The following ANKZF1 variants were observed in gnomAD, a reference collection of about 807,000 sequenced individuals.
The protein encoded by ANKZF1 is ankyrin repeat and zinc finger peptidyl tRNA hydrolase 1.
A neutral mutation model predicts 86.0 loss-of-function variants in ANKZF1; 84 were observed. The ratio of observed to expected loss-of-function variants is 0.98; its 90% CI spans 0.82 to 1.17. ANKZF1 has a LOEUF of 1.17. Among genes scored for constraint, ANKZF1 ranks in the 50% most tolerant of loss-of-function variants. The pLI is 0.00. For missense variants in ANKZF1, 893 were observed against 918.4 expected (o/e 0.97, Z 0.36); for synonymous variants, 331 against 354.2 (o/e 0.93, Z 0.74).
At position 219,233,761 on chromosome 2, in the gene ANKZF1, A is replaced by T. The variant is rs748770700; in HGVS notation, c.866A>T (p.Glu289Val). The T allele has an allele frequency of 1.2e-6, 2 of 1,614,066 alleles. No individual in the cohort carries two copies. Among genetic ancestry groups the T allele is most frequent in the African/African-American group, 1.3e-5 (1 of 75,052 alleles). ...GGGCCAAGCTGGGCTAAGGCGCTGGAGGAGGCTGGTACAATACTGTTGCGT... is the reference window on the plus strand; with the variant it reads ...GGGCCAAGCTGGGCTAAGGCGCTGGTGGAGGCTGGTACAATACTGTTGCGT... ...LAGPSWAKALEEAGTILLRAP... is the reference protein window; with the variant it reads ...LAGPSWAKALVEAGTILLRAP... The change falls in exon 8 of 14, where the codon GAG becomes GTG. Residue 289 changes from glutamate (E) to valine (V), a missense_variant. Coordinates refer to ENST00000323348, the MANE Select transcript of ANKZF1 (RefSeq NM_018089.3).
chr2:219,234,981 G>A lies in ANKZF1; in HGVS notation c.1360G>A (p.Ala454Thr). Residue 454 changes from alanine (A) to threonine (T), a missense_variant, in exon 10 of 14, where the codon GCA (alanine) becomes ACA (threonine). Physicochemically the swap from Ala to Thr is moderately conservative, Grantham distance 58. Transcript: ENST00000323348. ...GAAAAGCCGAGACCAGGAGGCTGGG[G>A]CACATCGGACTCTTCTCCAGCAAAC... ...KEKSRDQEAG[A>T]HRTLLQQTQE... 6.2e-7 allele frequency: 1 copy of A among 1,614,250 alleles called. No homozygotes were observed. Among genetic ancestry groups the A allele is most frequent in the Non-Finnish European group, 8.5e-7 (1 of 1,180,050 alleles).
Position 219,233,078 on chromosome 2 carries a change from G to A in ANKZF1, c.559-1G>A. On this transcript the variant is annotated splice_acceptor_variant, in intron 5 of 13. Coordinates refer to ENST00000323348, the MANE Select transcript of ANKZF1 (RefSeq NM_018089.3). LOFTEE classifies it high-confidence loss of function. ...GTTTCTGATGCTTCTCTGTCATCAA[G>A]GATCCCCCAGAAGAGGCAGAACTGC... 6.2e-7 allele frequency: 1 copy of A among 1,613,122 alleles called. No homozygotes were observed. Among genetic ancestry groups the A allele is most frequent in the Non-Finnish European group, 8.5e-7 (1 of 1,179,528 alleles).
intron 9 of ANKZF1, 167 bp downstream of exon 9, chr2:219,234,455 C>T (rs1951143016): frequency 1.1e-6 from 1 of 913,604 alleles, no homozygotes; most frequent in Non-Finnish European, 1.7e-6. Flanking sequence ...AATCTATTAT[C>T]TCTTTTGTTA....
intron 3 of ANKZF1, 32 bp from the exon 4 acceptor site, chr2:219,232,228 C>G (rs761529058): frequency 1.4e-5 from 22 of 1,604,996 alleles, no homozygotes; most frequent in Non-Finnish European, 1.9e-5. Context: ...GGCATATTTC[C>G]ACCTTTATCT....
chr2:219,233,386 T>A lies in ANKZF1; in HGVS notation c.772T>A (p.Ser258Thr). The A allele has an allele frequency of 1.2e-6, 2 of 1,614,208 alleles. No homozygotes were observed. Among genetic ancestry groups the A allele is most frequent in the Non-Finnish European group, 1.7e-6 (2 of 1,180,034 alleles). ...GGATGCCCGAGGTGGGCCATCACAC[T>A]CTGCTGGAGCCAACCTGAGGCGCTA... ...LRDARGGPSH[S>T]AGANLRRYNE... Residue 258 changes from serine to threonine, a missense_variant, in exon 7 of 14, where the codon TCT becomes ACT. Ser to Thr is a moderately conservative substitution (Grantham distance 58). Transcript: ENST00000323348.
intron 3 of ANKZF1, 97 bp downstream of exon 3, chr2:219,232,137 T>TTTGACTGAGGCAG: frequency 7.0e-7 from 1 of 1,421,332 alleles, no homozygotes; most frequent in Non-Finnish European, 9.8e-7. Flanking sequence ...AGGTCCATGC[T>TTTGACTGAGGCAG]TTGACTGAGG....
chr2:219,232,221 A>G, intron 3 of ANKZF1, 39 bp from the exon 4 acceptor site: 1 of 1,599,882 alleles, frequency 6.3e-7, no homozygotes, highest in South Asian at 1.1e-5. Flanking sequence ...AGGCTGGGGC[A>G]TATTTCCACC....
At chr2:219,234,497 G>T in intron 9 of ANKZF1, 1 of 707,486 alleles carries the variant, frequency 1.4e-6, no homozygotes, top group Non-Finnish European at 2.4e-6. Flanking sequence ...GAAAATCTTT[G>T]TGTGGAGCAG....
Position 219,231,940 on chromosome 2 carries a change from G to C in ANKZF1, c.161G>C (p.Arg54Thr). ...TTCCCTTATTTAGGCTCAGGGGAGA[G>C]AGAAAGCCCAGAAAGAAAGCTACTC... ...PRTSCSGSGE[R>T]ESPERKLLQG... The change falls in exon 3 of 14, where the codon AGA becomes ACA. Residue 54 changes from arginine to threonine, a missense_variant. Physicochemically the swap from Arg to Thr is moderately conservative, Grantham distance 71. Coordinates refer to ENST00000323348, the MANE Select transcript of ANKZF1 (RefSeq NM_018089.3). The C allele has an allele frequency of 6.2e-7, 1 of 1,613,982 alleles. No homozygotes were observed. Among genetic ancestry groups the C allele is most frequent in the African/African-American group, 1.3e-5 (1 of 75,030 alleles).
At chr2:219,234,453 A>G in intron 9 of ANKZF1, 165 bp downstream of exon 9, 1 of 923,050 alleles carries the variant, frequency 1.1e-6, no homozygotes, top group Non-Finnish European at 1.7e-6. Flanking sequence ...CAAATCTATT[A>G]TCTCTTTTGT....
Position 219,231,920 on chromosome 2 carries a change from T to C in ANKZF1, c.149-8T>C. On this transcript the variant is annotated splice_polypyrimidine_tract_variant and splice_region_variant and intron_variant, in intron 2 of 13. Transcript: ENST00000323348. The stretch of plus-strand genomic sequence containing the variant: ...CTTTCTATGTCCAATTCCTCTTCCC[T>C]TATTTAGGCTCAGGGGAGAGAGAAA... The C allele has an allele frequency of 6.2e-7, 1 of 1,611,812 alleles. No individual in the cohort carries two copies. The highest frequency in any genetic ancestry group is 8.5e-7 in the Non-Finnish European group (1 of 1,177,944).
At position 219,235,562 on chromosome 2, in the gene ANKZF1, GC is replaced by G. The variant is rs1357317460; in HGVS notation, c.1782del (p.Tyr595ThrfsTer12). On this transcript the variant is annotated frameshift_variant, in exon 11 of 14. Transcript: ENST00000323348. LOFTEE classifies it high-confidence loss of function. ...FRRFMEKNPD[A>X]YDYNKAQVPG... is the part of the protein sequence containing the mutation. Reference sequence around the variant, plus strand: ...AAGGTTCATGGAGAAGAATCCAGATGCCTACGATTACAACAAGGCTCAGGTC... The same window carrying G: ...AAGGTTCATGGAGAAGAATCCAGATGCTACGATTACAACAAGGCTCAGGTC... 1 of 1,614,042 alleles carries G rather than the reference GC, an allele frequency of 6.2e-7. No individual in the cohort carries two copies. The highest frequency in any genetic ancestry group is 1.1e-5 in the South Asian group (1 of 91,074).
rs1307486217 is a variant in ANKZF1 at position 219,232,452 on chromosome 2, G to T, written c.365-38G>T. On this transcript the variant is annotated intron_variant, in intron 4 of 13. Transcript: ENST00000323348. ...GAGTTTGAGGAAAGAACAAAAATGG[G>T]GTACCAAACTTGTGTATCTCATATT... 3 of 1,611,282 alleles carry T rather than the reference G, an allele frequency of 1.9e-6. No homozygotes were observed. In the Admixed American group the frequency reaches 5.0e-5, roughly 27 times the overall value.
In ANKZF1 at chr2:219,232,508, C is replaced by G; in HGVS notation, c.383C>G (p.Ser128Trp). 1.9e-6 allele frequency: 3 copies of G among 1,614,106 alleles called. No individual in the cohort carries two copies. The highest frequency in any genetic ancestry group is 2.5e-6 in the Non-Finnish European group (3 of 1,180,000). Residue 128 changes from serine (S) to tryptophan (W), a missense_variant, in exon 5 of 14, where the codon TCG becomes TGG. Physicochemically the swap from Ser to Trp is radical, Grantham distance 177 (BLOSUM62 -3). Coordinates refer to ENST00000323348, the MANE Select transcript of ANKZF1 (RefSeq NM_018089.3). ...TCTTCAGGAGATCTTTCCAGCATCTCGGGATCAGAAGACTCAGACTCAGCC... is the reference window on the plus strand; with the variant it reads ...TCTTCAGGAGATCTTTCCAGCATCTGGGGATCAGAAGACTCAGACTCAGCC... The part of the protein sequence containing the change: ...QSSTGDLSSI[S>W]GSEDSDSASE...
Position 219,232,699 on chromosome 2 carries a change from G to A in ANKZF1, c.558+16G>A. ...CCCTCATCAGGCAAGTGACAGTACA[G>A]GTTGCATGGCTAACCCCAGCCTTTT... is the stretch of plus-strand genomic sequence containing the variant. On this transcript the variant is annotated intron_variant, in intron 5 of 13. Coordinates refer to ENST00000323348, the MANE Select transcript of ANKZF1 (RefSeq NM_018089.3). The A allele has an allele frequency of 6.2e-7, 1 of 1,609,418 alleles. No homozygotes were observed. The highest frequency in any genetic ancestry group is 1.1e-5 in the South Asian group (1 of 90,738).
rs1363768697 is a variant in ANKZF1, at chr2:219,230,362, G to T, written c.105G>T (p.Ala35=). The T allele has an allele frequency of 6.2e-7, 1 of 1,613,720 alleles. No homozygotes were observed. Among genetic ancestry groups the T allele is most frequent in the Non-Finnish European group, 8.5e-7 (1 of 1,179,734 alleles). Residue 35 remains alanine (A), a synonymous_variant, in exon 2 of 14, where the codon GCG becomes GCT. Transcript: ENST00000323348. ...AGGGCCTGAGCCTGGTGAGCCACGC[G>T]CCTGGGGAGGCTCTGGCCCGGGCTC... The part of the protein sequence containing the change: ...VFQGLSLVSH[A]PGEALARAPR...
intron 10 of ANKZF1, 31 bp downstream of exon 10, chr2:219,235,343 T>C (rs867693339): frequency 6.2e-7 from 1 of 1,600,156 alleles, no homozygotes; most frequent in East Asian, 2.2e-5. Context: ...TGAGTCATTT[T>C]GGGTATAGAG....
chr2:219,233,106 C>G lies in ANKZF1; in HGVS notation c.586C>G (p.Leu196Val), dbSNP rs941806398. ...QDPPEEAELL[L>V]QNLQSRGPRD... is the part of the protein sequence containing the mutation. Reference sequence around the variant, plus strand: ...TCCCCCAGAAGAGGCAGAACTGCTGCTACAGAACCTGCAAAGTAGAGGTCC... The same window carrying G: ...TCCCCCAGAAGAGGCAGAACTGCTGGTACAGAACCTGCAAAGTAGAGGTCC... The change falls in exon 6 of 14, where the codon CTA becomes GTA. Residue 196 changes from leucine (L) to valine (V), a missense_variant. Coordinates refer to ENST00000323348, the MANE Select transcript of ANKZF1 (RefSeq NM_018089.3). 1 of 1,613,976 alleles carries G rather than the reference C, an allele frequency of 6.2e-7. No individual in the cohort carries two copies. The highest frequency in any genetic ancestry group is 8.5e-7 in the Non-Finnish European group (1 of 1,180,034).
chr2:219,232,227 C>T (rs751429712), intron 3 of ANKZF1, 33 bp from the exon 4 acceptor site: 2 of 1,604,180 alleles, frequency 1.2e-6, no homozygotes, highest in Non-Finnish European at 1.7e-6. Flanking sequence ...GGGCATATTT[C>T]CACCTTTATC....
Sources: gnomAD v4.1 joint callset for allele counts on GRCh38, gnomAD v4.1.1 for gene constraint, MANE v1.5 for transcripts, NCBI Gene and HGNC (gene_info 2026-07-23, HGNC 2026-07-21) for gene names.